The following FGD5 variants were observed in gnomAD, a reference collection of about 807,000 sequenced individuals.
The protein encoded by FGD5 is FYVE, RhoGEF and PH domain containing 5, also known as FYVE, RhoGEF and PH domain-containing protein 5.
Under a neutral mutation model 133.4 loss-of-function variants are expected in FGD5, and 28 were observed. That is an observed-to-expected ratio of 0.21 (90% CI 0.16 to 0.29). The LOEUF is 0.29. Among genes scored for constraint, FGD5 ranks in the 10% least tolerant of loss-of-function variants. FGD5 has a pLI of 1.00. For synonymous variants in FGD5, 810 were observed against 776.5 expected (o/e 1.04, Z -0.72); for missense variants, 1,858 against 1,895.2 (o/e 0.98, Z 0.36).
At chr3:14,880,663 G>A in intron 3 of FGD5, 33 bp downstream of exon 3, 1 of 1,614,006 alleles carries the variant, frequency 6.2e-7, no homozygotes, top group Non-Finnish European at 8.5e-7. Flanking sequence ...GTGGCCTTGA[G>A]CTTATAAACA....
intron 2 of FGD5, among the ~76,000 whole-genome samples, chr3:14,869,636 TC>T (rs1227012803): frequency 6.6e-6 from 1 of 152,218 alleles, no homozygotes; most frequent in African/African-American, 2.4e-5. Flanking sequence ...CCGTTCCACT[TC>T]CTGTCTCTAT....
At chr3:14,813,522 T>C (rs750451617) in intron 1 of FGD5, among the ~76,000 whole-genome samples, 5 of 152,222 alleles carry the variant, frequency 3.3e-5, no homozygotes, top group Non-Finnish European at 7.3e-5. Context: ...TTATGAGAGT[T>C]CCAGGGGGAG....
At chr3:14,825,835 T>A (rs540324208) in intron 1 of FGD5, among the ~76,000 whole-genome samples, 1 of 152,276 alleles carries the variant, frequency 6.6e-6, no homozygotes, top group East Asian at 1.9e-4. Context: ...CCTCCGAATA[T>A]CCTATAGCAC....
chr3:14,898,842 G>C lies in FGD5; in HGVS notation c.3154+16G>C. ...CTCCTCACAGGTGGGCCCCACAGGAGATCAATGGGGACTGAGGCGGCAGGG... is the reference window on the plus strand; with the variant it reads ...CTCCTCACAGGTGGGCCCCACAGGACATCAATGGGGACTGAGGCGGCAGGG... On this transcript the variant is annotated intron_variant, in intron 7 of 19. Transcript: ENST00000285046. 1.3e-6 allele frequency: 2 copies of C among 1,564,928 alleles called. No homozygotes were observed. Among genetic ancestry groups the C allele is most frequent in the East Asian group, 4.8e-5 (2 of 42,078 alleles).
Position 14,854,432 on chromosome 3 carries a change from T to TATTTATTGATTG in FGD5, c.2526-9693_2526-9692insTATTGATTGATT, listed in dbSNP as rs374445929. Among the ~76,000 whole-genome samples, 1,289 of 143,364 alleles carry TATTTATTGATTG rather than the reference T, an allele frequency of 9.0e-3. 6 individuals are homozygous for TATTTATTGATTG. The highest frequency in any genetic ancestry group is 0.011 in the Non-Finnish European group (716 of 65,770). 94.1% of individuals were successfully genotyped at this position (143,364 alleles called of 152,430 possible). A position where few individuals can be genotyped will look rare whatever the true frequency, so the allele number is the denominator to read the frequency against. ...TTATTTATTTATTTATTTATTTATT[T>TATTTATTGATTG]ATTGAGACGAGCTCACTCTGTCGCC... On this transcript the variant is annotated intron_variant, in intron 1 of 19. Transcript: ENST00000285046.
rs757694835 is a variant in FGD5, at chr3:14,926,113, G to T, written c.4112G>T (p.Ser1371Ile). Residue 1371 changes from serine (S) to isoleucine (I), a missense_variant, in exon 18 of 20, where the codon AGC becomes ATC. Ser to Ile is a moderately radical substitution (Grantham distance 142). Transcript: ENST00000285046. Reference sequence around the variant, plus strand: ...GGCTCTGCCATCAGTGGCTATCTCAGCCGGTGTAAGAGGGGCAAGCGGCAC... The same window carrying T: ...GGCTCTGCCATCAGTGGCTATCTCATCCGGTGTAAGAGGGGCAAGCGGCAC... ...GEGSAISGYL[S>I]RCKRGKRHWK... 14 of 1,613,812 alleles carry T rather than the reference G, an allele frequency of 8.7e-6. No individual in the cohort carries two copies. Among genetic ancestry groups the T allele is most frequent in the Middle Eastern group, 3.3e-4 (2 of 6,084 alleles).
chr3:14,924,333 T>C (rs551212153), intron 17 of FGD5, among the ~76,000 whole-genome samples, 195 bp downstream of exon 17: 1 of 152,142 alleles, frequency 6.6e-6, no homozygotes, highest in Non-Finnish European at 1.5e-5. Context: ...TTCCCATCCT[T>C]CTCTCTACCT....
At position 14,923,351 on chromosome 3, in the gene FGD5, G is replaced by A. The variant is rs367811542; in HGVS notation, c.3937+176G>A. On this transcript the variant is annotated intron_variant, in intron 16 of 19. Transcript: ENST00000285046. ...CACCATTTTCCAATATGTGGATTCT[G>A]TGGAAAATTGATCGGTGTCCCCAGA... 27 of 868,152 alleles carry A rather than the reference G, an allele frequency of 3.1e-5. No homozygotes were observed. In the African/African-American group the frequency reaches 3.7e-4, roughly 12 times the overall value. The allele number at this position is 868,152 out of a possible 1,614,324, so 53.8% of individuals were successfully genotyped here.
At chr3:14,850,529 A>C (rs2125093421) in intron 1 of FGD5, among the ~76,000 whole-genome samples, 1 of 152,232 alleles carries the variant, frequency 6.6e-6, no homozygotes, top group Non-Finnish European at 1.5e-5. Flanking sequence ...CCCCTGGGTG[A>C]TGGGAGGAAG....
chr3:14,846,100 G>A (rs547217440), intron 1 of FGD5, among the ~76,000 whole-genome samples: 2 of 152,294 alleles, frequency 1.3e-5, no homozygotes, highest in African/African-American at 2.4e-5. Flanking sequence ...GTTTCATGTC[G>A]GAATTATCTC....
chr3:14,832,738 T>C lies in FGD5; in HGVS notation c.2525+11142T>C, dbSNP rs2036740656. 2.0e-5 allele frequency among the ~76,000 whole-genome samples: 3 copies of C among 152,180 alleles called. No individual in the cohort carries two copies. In the South Asian group the frequency reaches 6.2e-4, roughly 32 times the overall value. ...TTTGAGAGCTTCCTGACTCTCCAGCTGTCAAATAAGGGTACACAGTAGAGT... is the reference window on the plus strand; with the variant it reads ...TTTGAGAGCTTCCTGACTCTCCAGCCGTCAAATAAGGGTACACAGTAGAGT... On this transcript the variant is annotated intron_variant, in intron 1 of 19. Transcript: ENST00000285046.
At chr3:14,920,755 G>A (rs1252655424) in intron 13 of FGD5, among the ~76,000 whole-genome samples, 1 of 152,224 alleles carries the variant, frequency 6.6e-6, no homozygotes, top group African/African-American at 2.4e-5. Context: ...CCATGCATAG[G>A]GAGTTGAGGC....
At chr3:14,928,161 C>T (rs889357648) in intron 18 of FGD5, among the ~76,000 whole-genome samples, 3 of 152,032 alleles carry the variant, frequency 2.0e-5, no homozygotes, top group East Asian at 2.0e-4. Context: ...AGGATGGTCT[C>T]GATCTCTTGA....
chr3:14,898,944 A>C, intron 7 of FGD5, 118 bp downstream of exon 7: 1 of 864,438 alleles, frequency 1.2e-6, no homozygotes, highest in South Asian at 1.6e-5. Flanking sequence ...GTGTTGGGGA[A>C]GGGTGACCTC....
chr3:14,815,167 A>G (rs1575182793), upstream of FGD5, among the ~76,000 whole-genome samples: 1 of 151,728 alleles, frequency 6.6e-6, no homozygotes, highest in South Asian at 2.1e-4. Context: ...CATAATCTGC[A>G]CCCTCCTATG....
chr3:14,925,954 G>C (rs549927172), intron 17 of FGD5, 116 bp from the exon 18 acceptor site: 118 of 1,358,662 alleles, frequency 8.7e-5, no homozygotes, highest in Non-Finnish European at 1.1e-4. Flanking sequence ...CTTATCCAGT[G>C]TCAAAGCAGT....
At chr3:14,871,141 C>CT (rs1440439802) in intron 2 of FGD5, among the ~76,000 whole-genome samples, 3 of 152,216 alleles carry the variant, frequency 2.0e-5, no homozygotes, top group Non-Finnish European at 2.9e-5. Context: ...CTGCCATACT[C>CT]TGTCACAGCA....
intron 1 of FGD5, among the ~76,000 whole-genome samples, chr3:14,825,717 A>G (rs2036587226): frequency 1.3e-5 from 2 of 152,178 alleles, no homozygotes; most frequent in African/African-American, 4.8e-5. Flanking sequence ...CACTTAAAAA[A>G]AAAAAGTTTT....
At chr3:14,926,609 CT>C (rs1261129445) in intron 18 of FGD5, among the ~76,000 whole-genome samples, 25 of 152,196 alleles carry the variant, frequency 1.6e-4, no homozygotes, top group African/African-American at 5.5e-4. Flanking sequence ...CTGTCCATTT[CT>C]TTTATAGGGT....
Sources: gnomAD v4.1 joint callset for allele counts (sites outside exome capture counted in the v4.1 genomes callset) on GRCh38, gnomAD v4.1.1 for gene constraint, MANE v1.5 for transcripts, NCBI Gene and HGNC (gene_info 2026-07-23, HGNC 2026-07-21) for gene names.